Variants in CCDC91 observed in about 807,000 individuals in gnomAD.
The protein encoded by CCDC91 is coiled-coil domain-containing protein 91.
Under a neutral mutation model 63.2 loss-of-function variants are expected in CCDC91, and 48 were observed. The observed-to-expected ratio is 0.76, with a 90% CI of 0.60 to 0.97. The LOEUF (loss-of-function observed/expected upper bound fraction) is 0.97, where lower values mean the gene tolerates loss of function less well. Ranked by LOEUF, CCDC91 falls within the 50% of genes least tolerant of loss-of-function variation. The pLI, the probability that CCDC91 is intolerant of heterozygous loss-of-function variation, is 0.00. For missense variants in CCDC91, 500 were observed against 494.6 expected, an observed-to-expected ratio of 1.01 and a Z score of -0.10; for synonymous variants, 167 against 165.8, an observed-to-expected ratio of 1.01 and a Z score of -0.06.
intron 1 of CCDC91, among the ~76,000 whole-genome samples, chr12:28,252,301 A>G (rs1353787242): frequency 6.6e-6 from 1 of 151,764 alleles, no homozygotes; most frequent in East Asian, 1.9e-4. Context: ...ACTGGATATA[A>G]TATCCTTTTG....
intron 1 of CCDC91, among the ~76,000 whole-genome samples, chr12:28,231,878 T>C (rs2135824819): frequency 6.6e-6 from 1 of 152,288 alleles, no homozygotes; most frequent in East Asian, 1.9e-4. Context: ...CTATCTTCAA[T>C]GGTGATTTTC....
At chr12:28,213,579 G>C (rs144281905) in intron 1 of CCDC91, among the ~76,000 whole-genome samples, 1 of 152,282 alleles carries the variant, frequency 6.6e-6, no homozygotes, top group African/African-American at 2.4e-5. Flanking sequence ...TCATGAAAGG[G>C]ACAGTGTTTT....
intron 1 of CCDC91, among the ~76,000 whole-genome samples, chr12:28,230,463 T>C (rs1944518157): frequency 6.6e-6 from 1 of 152,148 alleles, no homozygotes; most frequent in African/African-American, 2.4e-5. Flanking sequence ...GTTTCTGAAA[T>C]GGTGTGGTTG....
chr12:28,324,292 A>T (rs1159990349), intron 6 of CCDC91, among the ~76,000 whole-genome samples: 1 of 151,836 alleles, frequency 6.6e-6, no homozygotes, highest in Admixed American at 6.6e-5. Flanking sequence ...GTGAAACTTT[A>T]AAAAAAAGTA....
intron 1 of CCDC91, among the ~76,000 whole-genome samples, chr12:28,224,319 A>C (rs1944136946): frequency 6.6e-6 from 1 of 152,140 alleles, no homozygotes; most frequent in East Asian, 1.9e-4. Flanking sequence ...TACTGTCATC[A>C]ACCTATTTTT....
chr12:28,450,607 G>A (rs1471906250), intron 10 of CCDC91, among the ~76,000 whole-genome samples, 189 bp downstream of exon 10: 1 of 151,682 alleles, frequency 6.6e-6, no homozygotes, highest in African/African-American at 2.4e-5. Flanking sequence ...ACAAGATAAT[G>A]GTAGCATTGA....
intron 8 of CCDC91, among the ~76,000 whole-genome samples, chr12:28,412,572 T>TTACA (rs754065535): frequency 2.5e-4 from 38 of 152,240 alleles, no homozygotes; most frequent in South Asian, 1.5e-3. Context: ...ACGGTGAGTG[T>TTACA]TACAGCTCTT....
At chr12:28,319,816 A>G (rs1290197385) in intron 6 of CCDC91, among the ~76,000 whole-genome samples, 1 of 151,872 alleles carries the variant, frequency 6.6e-6, no homozygotes, top group Admixed American at 6.6e-5. Flanking sequence ...TATAATAATA[A>G]GAAGAGAAAA....
At chr12:28,493,271 A>T (rs1392803913) in intron 12 of CCDC91, among the ~76,000 whole-genome samples, 2 of 151,710 alleles carry the variant, frequency 1.3e-5, no homozygotes, top group Non-Finnish European at 2.9e-5. Flanking sequence ...ATATGGTGAG[A>T]TTGTAGGATC....
At chr12:28,456,512 A>G (rs1950064985) in intron 11 of CCDC91, among the ~76,000 whole-genome samples, 1 of 152,098 alleles carries the variant, frequency 6.6e-6, no homozygotes, top group African/African-American at 2.4e-5. Flanking sequence ...AGGGCAGGGG[A>G]ATTTTTTGAG....
In CCDC91 at chr12:28,385,256, C is replaced by T. The variant is rs1188767197; in HGVS notation, c.655-6048C>T. 4.6e-5 allele frequency among the ~76,000 whole-genome samples: 7 copies of T among 151,672 alleles called. No homozygotes were observed. The East Asian group carries it at 1.4e-3, about 29-fold the overall frequency. On this transcript the variant is annotated intron_variant, in intron 7 of 12. Transcript: ENST00000536442. ...TGATTATTTTGTATATACTATTATC[C>T]TCAAGCTAAACTAAGTGTATAATTA...
intron 12 of CCDC91, among the ~76,000 whole-genome samples, chr12:28,511,881 A>G (rs1226214797): frequency 6.6e-6 from 1 of 151,882 alleles, no homozygotes; most frequent in Non-Finnish European, 1.5e-5. Flanking sequence ...ATTATCAGCC[A>G]TGAGAAAATA....
At chr12:28,227,424 C>T (rs118116658) in intron 1 of CCDC91, among the ~76,000 whole-genome samples, 10 of 152,082 alleles carry the variant, frequency 6.6e-5, no homozygotes, top group South Asian at 4.2e-4. Flanking sequence ...TTTATCCTAG[C>T]GATTCTTTCT....
At chr12:28,203,709 GGTA>G (rs1942634982) in intron 1 of CCDC91, among the ~76,000 whole-genome samples, 1 of 152,094 alleles carries the variant, frequency 6.6e-6, no homozygotes, top group South Asian at 2.1e-4. Flanking sequence ...GATCTGATAA[GGTA>G]GAACGTAAGC....
intron 7 of CCDC91, among the ~76,000 whole-genome samples, chr12:28,389,147 C>A (rs1945786836): frequency 6.6e-6 from 1 of 152,082 alleles, no homozygotes; most frequent in Non-Finnish European, 1.5e-5. Context: ...CTATTCTTAT[C>A]TACTGAATGT....
At chr12:28,210,876 C>T (rs902631602) in intron 1 of CCDC91, among the ~76,000 whole-genome samples, 4 of 151,740 alleles carry the variant, frequency 2.6e-5, no homozygotes, top group Admixed American at 2.6e-4. Context: ...ACAGTATTGC[C>T]AAATAGTTAC....
At chr12:28,469,447 A>G (rs751482409) in intron 11 of CCDC91, among the ~76,000 whole-genome samples, 1 of 152,118 alleles carries the variant, frequency 6.6e-6, no homozygotes, top group Non-Finnish European at 1.5e-5. Context: ...GGACACCAAA[A>G]AATGGAAAGA....
intron 11 of CCDC91, among the ~76,000 whole-genome samples, chr12:28,456,609 T>A (rs1432360848): frequency 6.6e-6 from 1 of 152,136 alleles, no homozygotes; most frequent in African/African-American, 2.4e-5. Context: ...TTTGTGAAAA[T>A]TATATGTAAG....
chr12:28,417,627 A>ATATG (rs1415966708), intron 8 of CCDC91, among the ~76,000 whole-genome samples: 1 of 114,208 alleles, frequency 8.8e-6, no homozygotes, highest in Admixed American at 9.4e-5. Flanking sequence ...TGAGATATAT[A>ATATG]TATATATATA....
Sources: allele counts gnomAD v4.1 joint callset (sites outside exome capture counted in the v4.1 genomes callset), GRCh38; gene constraint gnomAD v4.1.1; transcripts MANE v1.5; gene names NCBI Gene and HGNC (gene_info 2026-07-23, HGNC 2026-07-21).